The following AGBL3 variants were observed in gnomAD, a reference collection of about 807,000 sequenced individuals.
AGBL3 encodes the protein cytosolic carboxypeptidase 3.
Under a neutral mutation model 94.5 loss-of-function variants are expected in AGBL3, and 68 were observed. The ratio of observed to expected loss-of-function variants is 0.72; its 90% confidence interval spans 0.59 to 0.88. The LOEUF is 0.88. Ranked by LOEUF, AGBL3 falls within the 40% of genes least tolerant of loss-of-function variation. The pLI, the probability that AGBL3 is intolerant of heterozygous loss-of-function variation, is 0.00. For missense variants in AGBL3, 934 were observed against 1,103.8 expected, an observed-to-expected ratio of 0.85 and a Z score of 2.18; for synonymous variants, 354 against 370.7, an observed-to-expected ratio of 0.95 and a Z score of 0.52.
At chr7:135,126,422 G>A (rs1224818991) in intron 16 of AGBL3, among the ~76,000 whole-genome samples, 2 of 152,126 alleles carry the variant, frequency 1.3e-5, no homozygotes, top group African/African-American at 2.4e-5. Context: ...TTCCATCCTC[G>A]TGGATAGGAA....
chr7:135,013,481 A>C (rs1463323938), intron 4 of AGBL3, among the ~76,000 whole-genome samples: 1 of 152,230 alleles, frequency 6.6e-6, no homozygotes, highest in Non-Finnish European at 1.5e-5. Flanking sequence ...CAGTATACAG[A>C]TGTTAAAAAA....
At chr7:135,047,330 A>G (rs1304368427) in intron 11 of AGBL3, among the ~76,000 whole-genome samples, 2 of 152,060 alleles carry the variant, frequency 1.3e-5, no homozygotes, top group African/African-American at 4.8e-5. Context: ...GGCTATTGTG[A>G]ATAGTGCTAC....
At chr7:135,066,814 C>T (rs965950263) in intron 12 of AGBL3, among the ~76,000 whole-genome samples, 5 of 152,252 alleles carry the variant, frequency 3.3e-5, no homozygotes, top group African/African-American at 4.8e-5. Flanking sequence ...GTGTGAGCGA[C>T]GCAGAAGACA....
chr7:135,062,303 T>G lies in AGBL3; in HGVS notation c.1908+3068T>G, dbSNP rs191119216. Among the ~76,000 whole-genome samples the G allele has an allele frequency of 2.6e-4, 39 of 152,216 alleles. No individual in the cohort carries two copies. In the East Asian group the frequency reaches 7.3e-3, roughly 29 times the overall value. On this transcript the variant is annotated intron_variant, in intron 12 of 16. Transcript: ENST00000436302. ...AAATTCTGTTCTTTGATGGGAGTTT[T>G]CTATATATAAGATCATGTTGTCTCC...
At chr7:134,996,910 CT>C (rs1811079553) in intron 4 of AGBL3, among the ~76,000 whole-genome samples, 1 of 152,080 alleles carries the variant, frequency 6.6e-6, no homozygotes, top group Non-Finnish European at 1.5e-5. Context: ...CAATAATTTG[CT>C]ACAAAGACTT....
chr7:135,089,178 A>T (rs1359603339), intron 15 of AGBL3, among the ~76,000 whole-genome samples: 1 of 151,500 alleles, frequency 6.6e-6, no homozygotes, highest in African/African-American at 2.4e-5. Context: ...TTTTTATTTC[A>T]TTCATTGAAT....
intron 2 of AGBL3, among the ~76,000 whole-genome samples, chr7:134,988,893 C>T (rs1055612440): frequency 6.6e-6 from 1 of 152,192 alleles, no homozygotes; most frequent in Non-Finnish European, 1.5e-5. Context: ...CCGCCTTGGC[C>T]TCCCAAAGTG....
intron 4 of AGBL3, chr7:135,011,641 A>T (rs1813174042): frequency 6.6e-6 from 1 of 152,222 alleles, no homozygotes; most frequent in Non-Finnish European, 1.5e-5. Context: ...CACATGGCCA[A>T]TAAACATATG....
chr7:134,992,736 AT>A (rs1810453100), intron 3 of AGBL3, among the ~76,000 whole-genome samples: 1 of 152,240 alleles, frequency 6.6e-6, no homozygotes, highest in South Asian at 2.1e-4. Flanking sequence ...AAGGGAAGGA[AT>A]CCAGTTATCT....
intron 15 of AGBL3, among the ~76,000 whole-genome samples, chr7:135,112,363 G>A (rs993055613): frequency 6.6e-6 from 1 of 152,156 alleles, no homozygotes; most frequent in African/African-American, 2.4e-5. Flanking sequence ...GCATCTGTCA[G>A]TCATGAATTA....
At chr7:134,989,410 T>A in intron 3 of AGBL3, 100 bp downstream of exon 3, 1 of 801,706 alleles carries the variant, frequency 1.2e-6, no homozygotes, top group Non-Finnish European at 1.9e-6. Context: ...ATATAGGGAA[T>A]GATTATTCTA....
intron 5 of AGBL3, among the ~76,000 whole-genome samples, chr7:135,031,695 G>A (rs1815764017): frequency 6.6e-6 from 1 of 152,118 alleles, no homozygotes; most frequent in Non-Finnish European, 1.5e-5. Context: ...CCCAATGCTA[G>A]GTCATGACCT....
chr7:134,989,407 G>A, intron 3 of AGBL3, 97 bp downstream of exon 3: 1 of 822,804 alleles, frequency 1.2e-6, no homozygotes, highest in Non-Finnish European at 1.9e-6. Flanking sequence ...ATAATATAGG[G>A]AATGATTATT....
intron 5 of AGBL3, among the ~76,000 whole-genome samples, chr7:135,023,940 G>A (rs897226843): frequency 6.6e-6 from 1 of 152,252 alleles, no homozygotes; most frequent in Non-Finnish European, 1.5e-5. Flanking sequence ...CCAGATGGAG[G>A]CACAGGCCAG....
chr7:135,128,752 C>T (rs1423439284), intron 16 of AGBL3: 1 of 1,365,126 alleles, frequency 7.3e-7, no homozygotes, highest in Non-Finnish European at 1.0e-6. Flanking sequence ...TCAAGCCTCT[C>T]CCAACACAGA....
intron 12 of AGBL3, among the ~76,000 whole-genome samples, chr7:135,075,242 C>A (rs1003436366): frequency 2.0e-5 from 3 of 152,168 alleles, no homozygotes; most frequent in Non-Finnish European, 2.9e-5. Flanking sequence ...TGCAGTTATC[C>A]CCTGGCAACC....
chr7:135,046,970 T>C (rs1472813472), intron 11 of AGBL3, among the ~76,000 whole-genome samples: 1 of 152,076 alleles, frequency 6.6e-6, no homozygotes, highest in Non-Finnish European at 1.5e-5. Context: ...TATACCCTCT[T>C]AAATTATTAA....
At chr7:135,080,284 C>A in intron 14 of AGBL3, 24 bp downstream of exon 14, 1 of 1,536,744 alleles carries the variant, frequency 6.5e-7, no homozygotes, top group South Asian at 1.2e-5. Flanking sequence ...TCTACCTTCT[C>A]ATAAACAATT....
intron 5 of AGBL3, among the ~76,000 whole-genome samples, chr7:135,031,873 T>A (rs902258716): frequency 2.6e-5 from 4 of 152,212 alleles, no homozygotes; most frequent in African/African-American, 7.2e-5. Flanking sequence ...CTCTCTCCTG[T>A]CTTTCTTAGT....
Sources: allele counts gnomAD v4.1 joint callset (sites outside exome capture counted in the v4.1 genomes callset), GRCh38; gene constraint gnomAD v4.1.1; transcripts MANE v1.5; gene names NCBI Gene and HGNC (gene_info 2026-07-23, HGNC 2026-07-21).